TDRD9: variants seen among roughly 807,000 people sequenced by gnomAD.
The protein encoded by TDRD9 is ATP-dependent RNA helicase TDRD9.
A neutral mutation model predicts 172.6 loss-of-function variants in TDRD9; 124 were observed. That is an observed-to-expected ratio of 0.72 (90% CI 0.62 to 0.83). TDRD9 has a LOEUF of 0.83. Ranked by LOEUF, TDRD9 falls within the 40% of genes least tolerant of loss-of-function variation. The pLI, the probability that TDRD9 is intolerant of heterozygous loss-of-function variation, is 0.00. For synonymous variants in TDRD9, 619 were observed against 617.1 expected (o/e 1.00, Z -0.05); for missense variants, 1,479 against 1,714.1 (o/e 0.86, Z 2.42).
chr14:104,022,425 T>A (rs551856751), intron 24 of TDRD9, 95 bp downstream of exon 24: 1 of 1,345,968 alleles, frequency 7.4e-7, no homozygotes, highest in South Asian at 1.4e-5. Context: ...TTGCTTCAGA[T>A]CATGGTAAAA....
intron 2 of TDRD9, among the ~76,000 whole-genome samples, chr14:103,956,944 C>T (rs1168116507): frequency 6.6e-6 from 1 of 152,136 alleles, no homozygotes; most frequent in Non-Finnish European, 1.5e-5. Flanking sequence ...GAAGCTCTGC[C>T]TCCTGTCCTG....
intron 13 of TDRD9, 48 bp downstream of exon 13, chr14:103,998,776 T>A: frequency 1.1e-6 from 1 of 950,362 alleles, no homozygotes; most frequent in Non-Finnish European, 1.7e-6. Flanking sequence ...GGTGACACAG[T>A]GGCACATTCA....
At chr14:103,978,827 G>GGT (rs1240955777) in intron 7 of TDRD9, among the ~76,000 whole-genome samples, 4 of 151,968 alleles carry the variant, frequency 2.6e-5, no homozygotes, top group Non-Finnish European at 4.4e-5. Flanking sequence ...TAATTCATGG[G>GGT]GTACATAGTG....
At chr14:103,953,739 A>G (rs1242366460) in intron 1 of TDRD9, among the ~76,000 whole-genome samples, 2 of 152,144 alleles carry the variant, frequency 1.3e-5, no homozygotes, top group African/African-American at 4.8e-5. Flanking sequence ...AGGGTCTGAG[A>G]ATCAGGAACT....
chr14:103,961,569 GAAAAAA>G (rs1397647852), intron 2 of TDRD9, among the ~76,000 whole-genome samples: 5 of 126,876 alleles, frequency 3.9e-5, no homozygotes, highest in African/African-American at 1.5e-4. Context: ...TCCAGAAAAA[GAAAAAA>G]GAAAAAGAAA....
intron 6 of TDRD9, among the ~76,000 whole-genome samples, chr14:103,973,088 T>C (rs924734956): frequency 6.6e-6 from 1 of 152,146 alleles, no homozygotes; most frequent in African/African-American, 2.4e-5. Flanking sequence ...GATGGACATG[T>C]TGGTAAGGAA....
intron 24 of TDRD9, among the ~76,000 whole-genome samples, 164 bp downstream of exon 24, chr14:104,022,494 A>AGGC (rs1187885396): frequency 2.0e-5 from 3 of 152,158 alleles, no homozygotes; most frequent in Non-Finnish European, 4.4e-5. Context: ...TGCGAGGCCG[A>AGGC]GGCAGGCAGA....
intron 12 of TDRD9, 127 bp from the exon 13 acceptor site, chr14:103,998,497 C>A: frequency 3.1e-6 from 2 of 651,904 alleles, no homozygotes; most frequent in South Asian, 1.9e-5. Flanking sequence ...CGTGGCCAAA[C>A]GTTTCTGCCT....
At chr14:103,930,170 G>A (rs2030283952) in intron 1 of TDRD9, among the ~76,000 whole-genome samples, 1 of 151,714 alleles carries the variant, frequency 6.6e-6, no homozygotes, top group Admixed American at 6.6e-5. Context: ...TGAGAAGGTG[G>A]TTTTGTTTTT....
At chr14:103,973,519 G>A (rs1464144704) in intron 6 of TDRD9, among the ~76,000 whole-genome samples, 1 of 152,186 alleles carries the variant, frequency 6.6e-6, no homozygotes, top group Admixed American at 6.5e-5. Context: ...AGTTGTCTTG[G>A]GTGTCTGCTG....
At chr14:103,946,473 C>G (rs553930827) in intron 1 of TDRD9, among the ~76,000 whole-genome samples, 1 of 152,322 alleles carries the variant, frequency 6.6e-6, no homozygotes, top group South Asian at 2.1e-4. Context: ...GAAAGCTTTT[C>G]CTCTAAGATC....
chr14:103,969,609 T>TA (rs1210508865), intron 5 of TDRD9, among the ~76,000 whole-genome samples: 4 of 152,212 alleles, frequency 2.6e-5, no homozygotes, highest in African/African-American at 9.6e-5. Context: ...TAGAATTACT[T>TA]ACAGAATAAA....
intron 27 of TDRD9, 135 bp downstream of exon 27, chr14:104,026,271 T>G: frequency 1.6e-6 from 1 of 632,042 alleles, no homozygotes; most frequent in East Asian, 2.6e-5. Context: ...GGGACTTGCT[T>G]TGTCACAATA....
chr14:103,972,623 G>A (rs2033081334), intron 6 of TDRD9, among the ~76,000 whole-genome samples: 1 of 152,224 alleles, frequency 6.6e-6, no homozygotes, highest in Non-Finnish European at 1.5e-5. Context: ...TTGATAAAAG[G>A]CCGCATGGTT....
chr14:104,014,251 GATAATA>G (rs1338702532), intron 20 of TDRD9, among the ~76,000 whole-genome samples: 2 of 61,682 alleles, frequency 3.2e-5, no homozygotes, highest in Non-Finnish European at 7.3e-5. Flanking sequence ...AAAAAAAAAA[GATAATA>G]ATAATAAAAA....
chr14:103,960,130 A>G (rs2032438702), intron 2 of TDRD9, among the ~76,000 whole-genome samples: 1 of 152,262 alleles, frequency 6.6e-6, no homozygotes, highest in Non-Finnish European at 1.5e-5. Flanking sequence ...GTCATATATA[A>G]TTATCTATTT....
chr14:103,943,038 G>A (rs76558986), intron 1 of TDRD9, among the ~76,000 whole-genome samples: 3,534 of 151,508 alleles, frequency 0.023, 76 homozygotes, highest in East Asian at 0.071. Flanking sequence ...AATCATTTTC[G>A]TGTTTTTTTT....
rs2035413797 is a variant in TDRD9 at position 104,035,173 on chromosome 14, C to T, written c.3716+117C>T. The T allele has an allele frequency of 9.8e-6, 7 of 714,810 alleles. No homozygotes were observed. In the Admixed American group the frequency reaches 1.5e-4, roughly 16 times the overall value. 44.3% of individuals were successfully genotyped at this position (714,810 alleles called of 1,614,324 possible). A position where few individuals can be genotyped will look rare whatever the true frequency, so the allele number is the denominator to read the frequency against. ...GCCTTTATGGAAGCTAGCCATGGCA[C>T]GTCTCGCTGCTTGGGGTGAAGCCTG... On this transcript the variant is annotated intron_variant, in intron 32 of 35. Coordinates refer to ENST00000409874, the MANE Select transcript of TDRD9 (RefSeq NM_153046.3).
chr14:103,995,481 C>A (rs757008126), intron 11 of TDRD9, among the ~76,000 whole-genome samples: 2 of 152,184 alleles, frequency 1.3e-5, no homozygotes, highest in Non-Finnish European at 2.9e-5. Context: ...CCAAAGTTAC[C>A]ACACCAGAAG....
Sources: gnomAD v4.1 joint callset for allele counts (sites outside exome capture counted in the v4.1 genomes callset) on GRCh38, gnomAD v4.1.1 for gene constraint, MANE v1.5 for transcripts, NCBI Gene and HGNC (gene_info 2026-07-23, HGNC 2026-07-21) for gene names.